WDFY4: variants seen among roughly 807,000 people sequenced by gnomAD.
The protein encoded by WDFY4 is WDFY family member 4.
Under a neutral mutation model 351.9 loss-of-function variants are expected in WDFY4, and 169 were observed. That is an observed-to-expected ratio of 0.48 (90% CI 0.42 to 0.55). The LOEUF (loss-of-function observed/expected upper bound fraction) is 0.55. Ranked by LOEUF, WDFY4 falls within the 20% of genes least tolerant of loss-of-function variation. The probability of loss-of-function intolerance (pLI) is 0.00; values close to 1 mark genes in which losing one functional copy is unlikely to be tolerated. For synonymous variants in WDFY4, 1,622 were observed against 1,574.6 expected (o/e 1.03, Z -0.71); for missense variants, 3,803 against 3,935.6 (o/e 0.97, Z 0.90).
intron 36 of WDFY4, among the ~76,000 whole-genome samples, chr10:48,827,507 A>G (rs2068045710): frequency 6.9e-6 from 1 of 145,308 alleles, no homozygotes. Flanking sequence ...GACAGGAATT[A>G]TGTTCACTTT....
chr10:48,898,568 G>A (rs1474710951), intron 45 of WDFY4, among the ~76,000 whole-genome samples: 5 of 152,154 alleles, frequency 3.3e-5, no homozygotes, highest in Non-Finnish European at 7.4e-5. Flanking sequence ...GACCCCTCCT[G>A]CAAGAGGGCT....
chr10:48,919,288 A>G (rs1281225213), intron 47 of WDFY4, among the ~76,000 whole-genome samples: 1 of 152,214 alleles, frequency 6.6e-6, no homozygotes, highest in African/African-American at 2.4e-5. Context: ...ACAACTCTAA[A>G]AAAAAGAGGA....
Position 48,820,411 on chromosome 10 carries a change from T to A in WDFY4, c.5683T>A (p.Trp1895Arg). 1 of 1,551,352 alleles carries A rather than the reference T, an allele frequency of 6.4e-7. No homozygotes were observed. Among genetic ancestry groups the A allele is most frequent in the South Asian group, 1.2e-5 (1 of 84,054 alleles). ...LLLGASSPKQ[W>R]LPLEVLLEAS... ...GCTTGGAGCCTCCAGCCCCAAGCAG[T>A]GGCTGCCCCTGGAGGTGCTCCTGGA... Residue 1895 changes from tryptophan (W) to arginine (R), a missense_variant, in exon 33 of 62, where the codon TGG (tryptophan) becomes AGG (arginine). By Grantham distance (101) the Trp-to-Arg change is moderately radical (BLOSUM62 -3). Around this residue, in one of 3 missense-constraint regions of WDFY4, gnomAD observed 3,054 missense variants for 3,148.6 expected, o/e 0.97. Coordinates refer to ENST00000325239, the MANE Select transcript of WDFY4 (RefSeq NM_001394531.1).
chr10:48,829,866 T>A (rs760838417), intron 37 of WDFY4, among the ~76,000 whole-genome samples: 36 of 152,222 alleles, frequency 2.4e-4, no homozygotes, highest in South Asian at 1.9e-3. Flanking sequence ...AATAAAAGAT[T>A]GTACACACAG....
At chr10:48,790,054 C>A in intron 22 of WDFY4, 69 bp downstream of exon 22, 1 of 1,425,924 alleles carries the variant, frequency 7.0e-7, no homozygotes, top group African/African-American at 1.4e-5. Flanking sequence ...CTTGTGCACC[C>A]TGGAGTTCTG....
At chr10:48,886,580 C>T (rs2070464472) in intron 43 of WDFY4, among the ~76,000 whole-genome samples, 1 of 152,182 alleles carries the variant, frequency 6.6e-6, no homozygotes, top group South Asian at 2.1e-4. Context: ...CAGCTTCCGC[C>T]CTTCCATCAT....
At chr10:48,758,540 T>A (rs2065403263) in intron 12 of WDFY4, among the ~76,000 whole-genome samples, 1 of 152,204 alleles carries the variant, frequency 6.6e-6, no homozygotes, top group African/African-American at 2.4e-5. Context: ...CTTGGAGGAT[T>A]CTAATGACAG....
chr10:48,833,176 A>T (rs867743125), intron 39 of WDFY4, among the ~76,000 whole-genome samples: 3,884 of 141,478 alleles, frequency 0.027, 64 homozygotes, highest in African/African-American at 0.051. Context: ...TGTGTGTGAG[A>T]GAGAGAGAGA....
At chr10:48,842,965 G>A (rs946015198) in intron 39 of WDFY4, among the ~76,000 whole-genome samples, 1 of 152,162 alleles carries the variant, frequency 6.6e-6, no homozygotes, top group Non-Finnish European at 1.5e-5. Context: ...GGTTAAAGTT[G>A]GTTTGCTTTT....
At chr10:48,966,737 TCCTCTG>T (rs1425699238) in intron 55 of WDFY4, 64 bp downstream of exon 55, 7 of 1,514,964 alleles carry the variant, frequency 4.6e-6, no homozygotes, top group Non-Finnish European at 6.2e-6. Context: ...GTGGCTGGGT[TCCTCTG>T]GAGGTCCAGC....
chr10:48,772,478 C>A (rs927018328), intron 13 of WDFY4, among the ~76,000 whole-genome samples: 1 of 149,558 alleles, frequency 6.7e-6, no homozygotes, highest in Admixed American at 6.6e-5. Flanking sequence ...GGCTCCATGG[C>A]CCCTGGGCAG....
chr10:48,796,244 G>T, intron 23 of WDFY4, 54 bp from the exon 24 acceptor site: 1 of 1,515,298 alleles, frequency 6.6e-7, no homozygotes, highest in East Asian at 2.5e-5. Context: ...TGGGTGAAGG[G>T]GAAATCTCTA....
At chr10:48,700,355 G>T (rs2063445322) in intron 1 of WDFY4, among the ~76,000 whole-genome samples, 1 of 152,156 alleles carries the variant, frequency 6.6e-6, no homozygotes, top group Non-Finnish European at 1.5e-5. Context: ...CAATGCTCTT[G>T]CCCAGTTTCT....
intron 12 of WDFY4, among the ~76,000 whole-genome samples, chr10:48,760,142 T>A (rs942390270): frequency 3.3e-5 from 5 of 152,228 alleles, no homozygotes; most frequent in Non-Finnish European, 7.3e-5. Context: ...CATTCTTCTA[T>A]GACTGTAGGG....
chr10:48,982,386 CA>C lies in WDFY4; in HGVS notation c.9489-121del. 4 of 798,910 alleles carry C rather than the reference CA, an allele frequency of 5.0e-6. No homozygotes were observed. The South Asian group carries it at 7.9e-5, about 16-fold the overall frequency. 49.5% of individuals were successfully genotyped at this position (798,910 alleles called of 1,614,324 possible). A position where few individuals can be genotyped will look rare whatever the true frequency, so the allele number is the denominator to read the frequency against. ...ACTGCCTCCCCTGCCTCAAGGGAGA[CA>C]AGACCAGGGGCAAGCTCCGCTGGGC... On this transcript the variant is annotated intron_variant, in intron 61 of 61. Transcript: ENST00000325239.
chr10:48,727,294 A>T (rs2064302307), intron 6 of WDFY4, among the ~76,000 whole-genome samples, 176 bp from the exon 7 acceptor site: 1 of 152,182 alleles, frequency 6.6e-6, no homozygotes, highest in African/African-American at 2.4e-5. Context: ...TGCAGCTGTC[A>T]GGATGGCACT....
At position 48,910,883 on chromosome 10, in the gene WDFY4, G is replaced by C. The variant is rs556303316; in HGVS notation, c.7586+9020G>C. ...TGGACCAGCAAACCCTGGGCACCAG[G>C]TGGGCTCTGTAACCTCGATGTTTCT... On this transcript the variant is annotated intron_variant, in intron 47 of 61. Transcript: ENST00000325239. The C allele has an allele frequency of 2.6e-5, 26 of 984,508 alleles. No homozygotes were observed. In the African/African-American group the frequency reaches 4.4e-4, roughly 17 times the overall value. The allele number at this position is 984,508 out of a possible 1,614,324, so 61.0% of individuals were successfully genotyped here.
chr10:48,712,727 G>A (rs1565118717), intron 2 of WDFY4, among the ~76,000 whole-genome samples: 3 of 152,198 alleles, frequency 2.0e-5, no homozygotes, highest in Admixed American at 6.5e-5. Context: ...AGGCCCTTGT[G>A]TAAGAAGATA....
intron 13 of WDFY4, among the ~76,000 whole-genome samples, chr10:48,773,546 C>T (rs748364588): frequency 6.6e-6 from 1 of 152,130 alleles, no homozygotes; most frequent in African/African-American, 2.4e-5. Flanking sequence ...TTTACTGAGC[C>T]CAGTCTATGC....
Sources: gnomAD v4.1 joint callset for allele counts (sites outside exome capture counted in the v4.1 genomes callset) on GRCh38, gnomAD v4.1.1 for gene constraint, gnomAD v4.1.1 regional missense constraint, MANE v1.5 for transcripts, NCBI Gene and HGNC (gene_info 2026-07-23, HGNC 2026-07-21) for gene names.